Variants in ARHGEF10L observed in about 807,000 individuals in gnomAD.
The protein encoded by ARHGEF10L is rho guanine nucleotide exchange factor 10-like protein.
ARHGEF10L carries 69 observed loss-of-function variants against 141.2 expected under a neutral mutation model. That is an observed-to-expected ratio of 0.49 (90% CI 0.40 to 0.60). ARHGEF10L has a LOEUF of 0.60. Ranked by LOEUF, ARHGEF10L falls within the 20% of genes least tolerant of loss-of-function variation. The pLI is 0.00. For synonymous variants in ARHGEF10L, 711 were observed against 718.5 expected (o/e 0.99, Z 0.17); for missense variants, 1,482 against 1,734.3 (o/e 0.85, Z 2.58).
Position 17,607,714 on chromosome 1 carries a change from A to T in ARHGEF10L, c.434-88A>T. 1.5e-6 allele frequency: 2 copies of T among 1,345,172 alleles called. No individual in the cohort carries two copies. The highest frequency in any genetic ancestry group is 1.9e-6 in the Non-Finnish European group (2 of 1,038,038). 83.3% of individuals were successfully genotyped at this position (1,345,172 alleles called of 1,614,324 possible). On this transcript the variant is annotated intron_variant, in intron 6 of 28. Coordinates refer to ENST00000361221, the MANE Select transcript of ARHGEF10L (RefSeq NM_018125.4). The surrounding 1 kb of genome is among the most constrained non-coding windows in gnomAD (Gnocchi z 4.5). Reference sequence around the variant, plus strand: ...GTTCTCCCTGACCCCCCCTCGCCCCACCTGGGTTCAGAAATTGGGTCTGAG... The same window carrying T: ...GTTCTCCCTGACCCCCCCTCGCCCCTCCTGGGTTCAGAAATTGGGTCTGAG...
chr1:17,544,023 T>G (rs879669080), intron 1 of ARHGEF10L, among the ~76,000 whole-genome samples: 4 of 151,652 alleles, frequency 2.6e-5, no homozygotes, highest in Admixed American at 1.3e-4. Flanking sequence ...CTCTGCTCAC[T>G]GCAACCTCCA....
intron 26 of ARHGEF10L, 66 bp downstream of exon 26, chr1:17,664,661 G>A (rs1335877948): frequency 1.4e-6 from 2 of 1,426,374 alleles, no homozygotes; most frequent in South Asian, 1.5e-5. Flanking sequence ...CCTTTCTTAT[G>A]TCCACCCCGG....
chr1:17,673,163 C>T lies in ARHGEF10L; in HGVS notation c.3009+8568C>T, dbSNP rs74061933. Among the ~76,000 whole-genome samples, 3,635 of 152,316 alleles carry T rather than the reference C, an allele frequency of 0.024. 159 individuals are homozygous for T. Among genetic ancestry groups the T allele is most frequent in the African/African-American group, 0.083 (3,460 of 41,558 alleles). On this transcript the variant is annotated intron_variant, in intron 26 of 28. Coordinates refer to ENST00000361221, the MANE Select transcript of ARHGEF10L (RefSeq NM_018125.4). The surrounding 1 kb of genome is among the most constrained non-coding windows in gnomAD (Gnocchi z 4.1). ...GGTACAGGGAAGGCGGATGAACAGA[C>T]ATCGTGGAGAGGACATATGGGACGG...
chr1:17,567,426 G>A (rs534694394), intron 1 of ARHGEF10L, among the ~76,000 whole-genome samples: 1 of 152,164 alleles, frequency 6.6e-6, no homozygotes, highest in Non-Finnish European at 1.5e-5. Flanking sequence ...GAGTACAATG[G>A]CGCGATCTCG....
chr1:17,551,716 C>T (rs1438872200), intron 1 of ARHGEF10L, among the ~76,000 whole-genome samples: 1 of 152,164 alleles, frequency 6.6e-6, no homozygotes, highest in African/African-American at 2.4e-5. Flanking sequence ...TTCCTTACTC[C>T]TTCCCAAATT....
At position 17,587,612 on chromosome 1, in the gene ARHGEF10L, C is replaced by G. The variant is rs1441594978; in HGVS notation, c.190C>G (p.Pro64Ala). The G allele has an allele frequency of 1.2e-6, 2 of 1,613,866 alleles. No homozygotes were observed. The highest frequency in any genetic ancestry group is 1.1e-5 in the South Asian group (1 of 91,050). The change falls in exon 3 of 29, where the codon CCA (proline) becomes GCA (alanine). Residue 64 changes from proline (P) to alanine (A), a missense_variant. Pro to Ala is a conservative substitution (Grantham distance 27, BLOSUM62 -1). Coordinates refer to ENST00000361221, the MANE Select transcript of ARHGEF10L (RefSeq NM_018125.4). ...SLAPERDTDP[P>A]LIHLDSIPVT... is the part of the protein sequence containing the mutation. The stretch of plus-strand genomic sequence containing the variant: ...TGCTCCTGAGAGGGACACAGACCCC[C>G]CACTGATCCACTTGGACTCCATCCC...
At chr1:17,690,179 G>C (rs1299313365) in intron 27 of ARHGEF10L, among the ~76,000 whole-genome samples, 1 of 152,122 alleles carries the variant, frequency 6.6e-6, no homozygotes, top group Non-Finnish European at 1.5e-5. Flanking sequence ...TCCCTGTCCT[G>C]GGCCTCAGTT....
At chr1:17,517,336 T>C in the ARHGEF10L span, among the ~76,000 whole-genome samples, 2 of 152,178 alleles carry the variant, frequency 1.3e-5, no homozygotes, top group Non-Finnish European at 2.9e-5. Context: ...TTTATTATTA[T>C]TATTTATTTT....
the ARHGEF10L span, among the ~76,000 whole-genome samples, chr1:17,529,924 C>T: frequency 6.7e-6 from 1 of 150,146 alleles, no homozygotes; most frequent in African/African-American, 2.5e-5. Context: ...CCTCCACCTC[C>T]CAGGTTCAAG....
intron 22 of ARHGEF10L, among the ~76,000 whole-genome samples, chr1:17,653,811 T>C (rs961838943): frequency 3.9e-5 from 6 of 152,254 alleles, no homozygotes; most frequent in Non-Finnish European, 7.3e-5. Context: ...CGCCTCCCTC[T>C]GACCTTCAAG....
At chr1:17,604,009 A>G (rs867190292) in intron 6 of ARHGEF10L, among the ~76,000 whole-genome samples, 4 of 152,152 alleles carry the variant, frequency 2.6e-5, no homozygotes, top group African/African-American at 9.6e-5. Flanking sequence ...GCAGGCAGGC[A>G]GGCGATTGTG....
At chr1:17,680,488 C>A (rs61591196) in intron 26 of ARHGEF10L, among the ~76,000 whole-genome samples, 2 of 152,264 alleles carry the variant, frequency 1.3e-5, no homozygotes, top group East Asian at 3.9e-4. Flanking sequence ...ACTGTGTGGG[C>A]GCCTGTAGCG....
At chr1:17,606,416 C>A (rs2081177021) in intron 6 of ARHGEF10L, among the ~76,000 whole-genome samples, 1 of 151,880 alleles carries the variant, frequency 6.6e-6, no homozygotes, top group Non-Finnish European at 1.5e-5. Context: ...GCCTCAGCCT[C>A]CTGAGTAGCT....
At chr1:17,531,958 C>G in the ARHGEF10L span, among the ~76,000 whole-genome samples, 1 of 152,188 alleles carries the variant, frequency 6.6e-6, no homozygotes, top group African/African-American at 2.4e-5. Flanking sequence ...CATGGCCAGG[C>G]CCTCCTGCCA....
At chr1:17,557,662 C>G (rs547103401) in intron 1 of ARHGEF10L, among the ~76,000 whole-genome samples, 1 of 152,228 alleles carries the variant, frequency 6.6e-6, no homozygotes, top group African/African-American at 2.4e-5. Context: ...ATCATTCGTT[C>G]GACAAGTATG....
intron 25 of ARHGEF10L, among the ~76,000 whole-genome samples, chr1:17,661,095 C>G (rs2062595763): frequency 6.6e-6 from 1 of 152,104 alleles, no homozygotes. Flanking sequence ...CCCTTATGAG[C>G]TTTTTTCTGA....
At chr1:17,559,348 G>A (rs1000162812) in intron 1 of ARHGEF10L, among the ~76,000 whole-genome samples, 1 of 152,146 alleles carries the variant, frequency 6.6e-6, no homozygotes, top group Non-Finnish European at 1.5e-5. Context: ...TCACAGGGGC[G>A]GGACACTAGA....
Position 17,697,205 on chromosome 1 carries a change from G to T in ARHGEF10L, c.3665G>T (p.Arg1222Leu), listed in dbSNP as rs200620479. The change falls in exon 29 of 29, where the codon CGC (arginine) becomes CTC (leucine). Residue 1222 changes from arginine (R) to leucine (L), a missense_variant. By Grantham distance (102) the Arg-to-Leu change is moderately radical (BLOSUM62 -2). Transcript: ENST00000361221. The surrounding 1 kb of genome is among the most constrained non-coding windows in gnomAD (Gnocchi z 4.8). ...GCCGACGACCCCGACATCTGGGTGC[G>T]CAGCCGGCCCTGCGCCCGCGACGCC... ...EMADDPDIWVRSRPCARDAHR... is the reference protein window; with the variant it reads ...EMADDPDIWVLSRPCARDAHR... 6.2e-7 allele frequency: 1 copy of T among 1,611,976 alleles called. No homozygotes were observed. Among genetic ancestry groups the T allele is most frequent in the South Asian group, 1.1e-5 (1 of 91,014 alleles).
chr1:17,519,339 G>C, the ARHGEF10L span, among the ~76,000 whole-genome samples: 1 of 152,042 alleles, frequency 6.6e-6, no homozygotes, highest in Non-Finnish European at 1.5e-5. Context: ...GGATGGGCAC[G>C]TGGCTCACAG....
Sources: gnomAD v4.1 joint callset for allele counts (sites outside exome capture counted in the v4.1 genomes callset) on GRCh38, gnomAD v4.1.1 for gene constraint, Gnocchi (gnomAD v3.1) non-coding constraint, MANE v1.5 for transcripts, NCBI Gene and HGNC (gene_info 2026-07-23, HGNC 2026-07-21) for gene names.